Variants in DNAH11 observed in about 807,000 individuals in gnomAD.
DNAH11 encodes the protein dynein axonemal heavy chain 11.
In DNAH11, 442 loss-of-function variants were observed where a neutral mutation model predicts 526.0. That is an observed-to-expected ratio of 0.84 (90% CI 0.78 to 0.91). The LOEUF (loss-of-function observed/expected upper bound fraction) is 0.91, where lower values mean the gene tolerates loss of function less well. DNAH11 is among the 40% of genes least tolerant of loss of function. The probability of loss-of-function intolerance (pLI) is 0.00; values close to 1 mark genes in which losing one functional copy is unlikely to be tolerated. For synonymous variants in DNAH11, 2,461 were observed against 1,935.9 expected (o/e 1.27, Z -7.12); for missense variants, 6,989 against 5,448.7 (o/e 1.28, Z -8.90).
chr7:21,709,701 C>A (rs1430366492), intron 40 of DNAH11, among the ~76,000 whole-genome samples: 1 of 152,100 alleles, frequency 6.6e-6, no homozygotes, highest in Non-Finnish European at 1.5e-5. Flanking sequence ...TAGCTTCTGT[C>A]TTTTTGTAAA....
intron 49 of DNAH11, 137 bp from the exon 50 acceptor site, chr7:21,744,301 C>T (rs1211989322): frequency 9.5e-5 from 95 of 995,110 alleles, no homozygotes; most frequent in Non-Finnish European, 1.2e-4. Context: ...CTTTTATACA[C>T]GAACACGCAC....
At chr7:21,720,922 TA>T (rs1260335072) in intron 44 of DNAH11, 66 bp downstream of exon 44, 2 of 1,568,464 alleles carry the variant, frequency 1.3e-6, no homozygotes, top group Non-Finnish European at 1.7e-6. Context: ...ATGGGGAGGT[TA>T]AAACATGTGA....
chr7:21,697,046 A>C (rs1044590824), intron 35 of DNAH11, among the ~76,000 whole-genome samples: 3 of 152,238 alleles, frequency 2.0e-5, no homozygotes, highest in African/African-American at 7.2e-5. Flanking sequence ...AGAATAACCT[A>C]GATCCAAAGA....
At chr7:21,759,448 G>A (rs1786793360) in intron 54 of DNAH11, among the ~76,000 whole-genome samples, 1 of 152,174 alleles carries the variant, frequency 6.6e-6, no homozygotes, top group South Asian at 2.1e-4. Context: ...ATTAGATGGG[G>A]TGGTAATACA....
intron 25 of DNAH11, among the ~76,000 whole-genome samples, chr7:21,624,042 G>T (rs1199161049): frequency 6.6e-6 from 1 of 151,308 alleles, no homozygotes; most frequent in South Asian, 2.1e-4. Flanking sequence ...CACTAATGAG[G>T]GCAGAGCCCT....
At chr7:21,897,358 A>AT (rs1784553505) in intron 79 of DNAH11, among the ~76,000 whole-genome samples, 1 of 141,282 alleles carries the variant, frequency 7.1e-6, no homozygotes, top group Admixed American at 7.0e-5. Context: ...TTAAAATATA[A>AT]TAACACCCTC....
At position 21,798,285 on chromosome 7, in the gene DNAH11, G is replaced by A. The variant is rs1338832308; in HGVS notation, c.10027-2852G>A. On this transcript the variant is annotated intron_variant, in intron 61 of 81. Coordinates refer to ENST00000409508, the MANE Select transcript of DNAH11 (RefSeq NM_001277115.2). ...AATTTTTTGTATTTTTAGTAGAGAT[G>A]GAGTTTCACCCTGCTGGCCAAGCCG... Among the ~76,000 whole-genome samples, 4 of 152,232 alleles carry A rather than the reference G, an allele frequency of 2.6e-5. No homozygotes were observed. In the East Asian group the frequency reaches 7.7e-4, roughly 29 times the overall value.
chr7:21,752,642 C>G (rs989427537), intron 54 of DNAH11, among the ~76,000 whole-genome samples: 5 of 152,048 alleles, frequency 3.3e-5, no homozygotes, highest in African/African-American at 1.2e-4. Context: ...ATCCTCAGAT[C>G]CATTTCTTGT....
intron 62 of DNAH11, 97 bp downstream of exon 62, chr7:21,801,372 A>T: frequency 1.4e-6 from 2 of 1,471,446 alleles, no homozygotes; most frequent in Non-Finnish European, 1.8e-6. Flanking sequence ...TAGACATGGA[A>T]TTAACAACAA....
chr7:21,702,648 C>G lies in DNAH11; in HGVS notation c.6181-62C>G, dbSNP rs966821499. The G allele has an allele frequency of 1.8e-5, 26 of 1,438,414 alleles. No individual in the cohort carries two copies. The African/African-American group carries it at 2.9e-4, about 16-fold the overall frequency. The allele number at this position is 1,438,414 out of a possible 1,614,324, so 89.1% of individuals were successfully genotyped here. A position where few individuals can be genotyped will look rare whatever the true frequency, so the allele number is the denominator to read the frequency against. ...TCTTAAAAACTTTCAGCTCTTACCT[C>G]TGGAATGAGAATCTTCTTCCCTCAT... On this transcript the variant is annotated intron_variant, in intron 36 of 81. Coordinates refer to ENST00000409508, the MANE Select transcript of DNAH11 (RefSeq NM_001277115.2).
At chr7:21,713,964 T>G (rs1361706673) in intron 42 of DNAH11, among the ~76,000 whole-genome samples, 2 of 152,202 alleles carry the variant, frequency 1.3e-5, no homozygotes, top group Non-Finnish European at 2.9e-5. Context: ...CCAGCAGCCC[T>G]GACTCCCTCT....
intron 61 of DNAH11, among the ~76,000 whole-genome samples, chr7:21,794,251 G>A (rs974916687): frequency 6.6e-6 from 1 of 151,984 alleles, no homozygotes; most frequent in Non-Finnish European, 1.5e-5. Flanking sequence ...TTGGTCATTC[G>A]CTCCTTGCTT....
Position 21,635,988 on chromosome 7 carries a change from C to A in DNAH11, c.4618C>A (p.Gln1540Lys), listed in dbSNP as rs1786845867. The change falls in exon 26 of 82, where the codon CAG becomes AAG. Residue 1540 changes from glutamine (Q) to lysine (K), a missense_variant. Gln to Lys is a moderately conservative substitution (Grantham distance 53). Coordinates refer to ENST00000409508, the MANE Select transcript of DNAH11 (RefSeq NM_001277115.2). ...DLVIFTWMEV[Q>K]RTWSHLESIF... Reference sequence around the variant, plus strand: ...GGTCATCTTCACTTGGATGGAAGTCCAGCGAACTTGGTCTCACCTGGAAAG... The same window carrying A: ...GGTCATCTTCACTTGGATGGAAGTCAAGCGAACTTGGTCTCACCTGGAAAG... 1.9e-6 allele frequency: 3 copies of A among 1,613,650 alleles called. No individual in the cohort carries two copies. The highest frequency in any genetic ancestry group is 2.7e-5 in the African/African-American group (2 of 75,034).
intron 65 of DNAH11, among the ~76,000 whole-genome samples, chr7:21,824,352 T>C (rs1790183892): frequency 6.6e-6 from 1 of 152,186 alleles, no homozygotes; most frequent in Admixed American, 6.5e-5. Context: ...AGGTAGCCAA[T>C]GTTCACATAT....
At chr7:21,848,132 A>C (rs1299078947) in intron 66 of DNAH11, among the ~76,000 whole-genome samples, 1 of 144,050 alleles carries the variant, frequency 6.9e-6, no homozygotes, top group Non-Finnish European at 1.5e-5. Flanking sequence ...GCACCACTGC[A>C]CTCCAGCCTG....
At chr7:21,687,017 C>CT (rs1293798156) in intron 32 of DNAH11, 82 bp from the exon 33 acceptor site, 2 of 1,374,102 alleles carry the variant, frequency 1.5e-6, no homozygotes, top group Non-Finnish European at 9.6e-7. Context: ...GCTTCTTAAA[C>CT]TTTTTTTCTA....
intron 55 of DNAH11, among the ~76,000 whole-genome samples, chr7:21,766,815 A>G (rs1246265532): frequency 1.3e-5 from 2 of 151,976 alleles, no homozygotes; most frequent in African/African-American, 4.8e-5. Context: ...TCTTTTCCTG[A>G]AATGTTTATT....
At chr7:21,765,686 T>C (rs1787152780) in intron 55 of DNAH11, 97 bp downstream of exon 55, 2 of 1,385,656 alleles carry the variant, frequency 1.4e-6, no homozygotes, top group Admixed American at 5.1e-5. Flanking sequence ...AGGTAAGTGC[T>C]TTCCACAGTA....
intron 8 of DNAH11, among the ~76,000 whole-genome samples, chr7:21,577,676 C>T (rs61128838): frequency 0.021 from 3,180 of 152,236 alleles, 112 homozygotes; most frequent in African/African-American, 0.071. Flanking sequence ...GAGTGGAGAA[C>T]CTGGACTTCT....
Sources: allele counts gnomAD v4.1 joint callset (sites outside exome capture counted in the v4.1 genomes callset), GRCh38; gene constraint gnomAD v4.1.1; transcripts MANE v1.5; gene names NCBI Gene and HGNC (gene_info 2026-07-23, HGNC 2026-07-21).